Variants in CREB5 observed in about 807,000 individuals in gnomAD.
CREB5 encodes the protein cyclic AMP-responsive element-binding protein 5.
CREB5 carries 19 observed loss-of-function variants against 57.1 expected under a neutral mutation model. That is an observed-to-expected ratio of 0.33 (90% confidence interval 0.23 to 0.49). The LOEUF (loss-of-function observed/expected upper bound fraction) is 0.49. Among genes scored for constraint, CREB5 ranks in the 20% least tolerant of loss-of-function variants. CREB5 has a pLI of 0.99. For synonymous variants in CREB5, 238 were observed against 238.3 expected (o/e 1.00, Z 0.01); for missense variants, 579 against 671.6 (o/e 0.86, Z 1.52).
chr7:28,709,861 C>T (rs1473223223), intron 5 of CREB5, among the ~76,000 whole-genome samples: 3 of 152,160 alleles, frequency 2.0e-5, no homozygotes, highest in Non-Finnish European at 4.4e-5. Context: ...TTGTCAATAT[C>T]GATAAGTCCG....
chr7:28,823,044 G>A lies in CREB5; in HGVS notation c.*3765G>A, dbSNP rs1241256539. 3 of 152,614 alleles carry A rather than the reference G, an allele frequency of 2.0e-5. No individual in the cohort carries two copies. Among genetic ancestry groups the A allele is most frequent in the East Asian group, 1.9e-4 (1 of 5,196 alleles). 9.5% of individuals were successfully genotyped at this position (152,614 alleles called of 1,614,324 possible). On this transcript the variant is annotated 3_prime_UTR_variant, in exon 11 of 11. Transcript: ENST00000357727. ...GAGCGTATTCTGATAGAAGGACGTC[G>A]ACGGTGAATGTTCTGGTGGTTGTTG...
intron 10 of CREB5, among the ~76,000 whole-genome samples, 175 bp downstream of exon 10, chr7:28,818,354 C>T (rs956178811): frequency 1.3e-5 from 2 of 152,064 alleles, no homozygotes; most frequent in South Asian, 2.1e-4. Context: ...TTTTTTCTGA[C>T]CCCTGTGCAA....
chr7:28,380,838 G>A (rs1786952867), intron 1 of CREB5, among the ~76,000 whole-genome samples: 1 of 152,154 alleles, frequency 6.6e-6, no homozygotes, highest in Non-Finnish European at 1.5e-5. Flanking sequence ...TAGGGACAAT[G>A]GTACTACCTC....
chr7:28,658,634 T>C (rs56018417), intron 5 of CREB5, among the ~76,000 whole-genome samples: 15,998 of 152,210 alleles, frequency 0.11, 1,204 homozygotes, highest in Non-Finnish European at 0.16. Context: ...CACTGAGGCC[T>C]GGCCAAGTGG....
At chr7:28,701,118 G>T (rs1316766339) in intron 5 of CREB5, among the ~76,000 whole-genome samples, 6 of 152,144 alleles carry the variant, frequency 3.9e-5, no homozygotes, top group Non-Finnish European at 8.8e-5. Context: ...TTTGAAAAAG[G>T]TCCATTAGGG....
intron 4 of CREB5, among the ~76,000 whole-genome samples, chr7:28,537,861 C>G (rs1350006479): frequency 1.3e-5 from 2 of 152,124 alleles, no homozygotes; most frequent in Admixed American, 1.3e-4. Flanking sequence ...GGTTTCTACC[C>G]ACATACATAC....
chr7:28,299,584 G>A (rs955883375), intron 1 of CREB5: 1 of 152,162 alleles, frequency 6.6e-6, no homozygotes, highest in Non-Finnish European at 1.5e-5. Context: ...ATACAGATAT[G>A]GAACATTTCC....
At chr7:28,673,007 C>A (rs963438871) in intron 5 of CREB5, among the ~76,000 whole-genome samples, 2 of 152,156 alleles carry the variant, frequency 1.3e-5, no homozygotes, top group Admixed American at 1.3e-4. Context: ...CGCCCCATAC[C>A]TTACCTCTAC....
chr7:28,457,269 G>A (rs1205287435), intron 1 of CREB5, among the ~76,000 whole-genome samples: 2 of 152,062 alleles, frequency 1.3e-5, no homozygotes, highest in African/African-American at 4.8e-5. Flanking sequence ...AATTTTGGAG[G>A]GGACATTCAA....
At chr7:28,557,913 A>C (rs528167366) in intron 4 of CREB5, among the ~76,000 whole-genome samples, 16 of 150,068 alleles carry the variant, frequency 1.1e-4, no homozygotes, top group African/African-American at 3.9e-4. Flanking sequence ...TGAAAATGAA[A>C]ACTACCTCAG....
chr7:28,741,808 C>T (rs1318754206), intron 7 of CREB5, among the ~76,000 whole-genome samples: 1 of 152,134 alleles, frequency 6.6e-6, no homozygotes, highest in African/African-American at 2.4e-5. Context: ...TGGCTTACAC[C>T]TGTAATCCCA....
At chr7:28,730,835 G>C (rs1427427429) in intron 7 of CREB5, among the ~76,000 whole-genome samples, 2 of 152,072 alleles carry the variant, frequency 1.3e-5, no homozygotes, top group Non-Finnish European at 2.9e-5. Flanking sequence ...CTGAGCCCAG[G>C]TTTTCTTTGA....
At chr7:28,421,911 T>A (rs944969454) in intron 1 of CREB5, among the ~76,000 whole-genome samples, 76 of 140,164 alleles carry the variant, frequency 5.4e-4, no homozygotes, top group Middle Eastern at 7.6e-3. Context: ...ATAGAGAGAG[T>A]GTGTATGTGT....
At chr7:28,347,997 G>A (rs971130392) in intron 1 of CREB5, among the ~76,000 whole-genome samples, 2 of 152,124 alleles carry the variant, frequency 1.3e-5, no homozygotes, top group African/African-American at 2.4e-5. Context: ...TGGAACCGGT[G>A]CCCTGGCCAG....
chr7:28,807,603 G>T (rs953259921), intron 8 of CREB5, among the ~76,000 whole-genome samples: 10 of 152,182 alleles, frequency 6.6e-5, no homozygotes, highest in African/African-American at 2.4e-4. Flanking sequence ...TCAACCAGTA[G>T]CCATTATTAG....
At chr7:28,479,332 C>T (rs78620677) in intron 1 of CREB5, among the ~76,000 whole-genome samples, 17,938 of 152,232 alleles carry the variant, frequency 0.12, 1,381 homozygotes, top group Middle Eastern at 0.18. Flanking sequence ...GCCAGGGTGA[C>T]CCCCTTCTAA....
intron 2 of CREB5, 95 bp downstream of exon 2, chr7:28,488,341 C>G: frequency 9.3e-7 from 1 of 1,080,636 alleles, no homozygotes; most frequent in Non-Finnish European, 1.4e-6. Flanking sequence ...CCTGGGCTTT[C>G]CTTCTTTACC....
chr7:28,343,920 C>T (rs1213090998), intron 1 of CREB5, among the ~76,000 whole-genome samples: 1 of 152,072 alleles, frequency 6.6e-6, no homozygotes, highest in Non-Finnish European at 1.5e-5. Flanking sequence ...TGATATCTCA[C>T]TGTGGTTTTT....
chr7:28,761,354 C>A (rs1031639162), intron 7 of CREB5, among the ~76,000 whole-genome samples: 2 of 152,048 alleles, frequency 1.3e-5, no homozygotes, highest in African/African-American at 4.8e-5. Flanking sequence ...CTGTAAATTG[C>A]GGGTGTCGGA....
Sources: allele counts gnomAD v4.1 joint callset (sites outside exome capture counted in the v4.1 genomes callset), GRCh38; gene constraint gnomAD v4.1.1; transcripts MANE v1.5; gene names NCBI Gene and HGNC (gene_info 2026-07-23, HGNC 2026-07-21).